Variants in HMX1 observed in about 807,000 individuals in gnomAD.
The protein encoded by HMX1 is H6 family homeobox 1.
Under a neutral mutation model 8.9 loss-of-function variants are expected in HMX1, and 8 were observed. The observed-to-expected ratio is 0.90, with a 90% confidence interval of 0.53 to 1.63. The LOEUF (loss-of-function observed/expected upper bound fraction) is 1.63. Ranked by LOEUF, HMX1 falls within the 40% of genes most tolerant of loss-of-function variation. The pLI, the probability that HMX1 is intolerant of heterozygous loss-of-function variation, is 0.00. For synonymous variants in HMX1, 311 were observed against 283.4 expected, an observed-to-expected ratio of 1.10 and a Z score of -0.98; for missense variants, 621 against 558.5, an observed-to-expected ratio of 1.11 and a Z score of -1.13.
At chr4:8,864,755 G>A (rs573317395), downstream of HMX1, among the ~76,000 whole-genome samples, 3 of 152,198 alleles carry the variant, frequency 2.0e-5, no homozygotes, top group African/African-American at 7.2e-5. Context: ...CTTGGGATCT[G>A]TTTTCTCTCT....
chr4:8,850,996 G>C (rs1188341949), intron 1 of HMX1, among the ~76,000 whole-genome samples: 1 of 152,258 alleles, frequency 6.6e-6, no homozygotes, highest in Admixed American at 6.5e-5. Flanking sequence ...TCCATTTCTG[G>C]GTCTTCGTGC....
intron 1 of HMX1, among the ~76,000 whole-genome samples, chr4:8,856,530 A>C (rs779285452): frequency 6.6e-6 from 1 of 152,168 alleles, no homozygotes; most frequent in Non-Finnish European, 1.5e-5. Context: ...CTCTGAATTT[A>C]AACCGTTTAG....
chr4:8,857,277 T>C (rs1402152741), intron 1 of HMX1, among the ~76,000 whole-genome samples: 1 of 152,036 alleles, frequency 6.6e-6, no homozygotes, highest in Non-Finnish European at 1.5e-5. Context: ...TGCAGCCGCC[T>C]CCAGGCCGCC....
Position 8,867,103 on chromosome 4 carries a change from A to G in HMX1, c.*590T>C, listed in dbSNP as rs371971734. On this transcript the variant is annotated 3_prime_UTR_variant, in exon 2 of 2. Coordinates refer to ENST00000400677, the MANE Select transcript of HMX1 (RefSeq NM_018942.3). ...CAAATAAGTAGATTCATTTAAAAAA[A>G]CAACAACCCGGAGGCTGCGACGTCT... 2 of 985,312 alleles carry G rather than the reference A, an allele frequency of 2.0e-6. No individual in the cohort carries two copies. Among genetic ancestry groups the G allele is most frequent in the Admixed American group, 6.1e-5 (1 of 16,262 alleles). The allele number at this position is 985,312 out of a possible 1,614,324, so 61.0% of individuals were successfully genotyped here.
Position 8,871,732 on chromosome 4 carries a change from G to T in HMX1, c.-118C>A, listed in dbSNP as rs945658817. On this transcript the variant is annotated 5_prime_UTR_variant, in exon 1 of 2. Coordinates refer to ENST00000400677, the MANE Select transcript of HMX1 (RefSeq NM_018942.3). This position sits in a 1 kb window ranked among gnomAD's most constrained non-coding sequence, Gnocchi z 4.8. ...TGGAGCTGCTACCCGGACCGCTGGC[G>T]TCGGGCCCCGCAGGGCAGGCGGCGG... is the stretch of plus-strand genomic sequence containing the variant. The T allele has an allele frequency of 8.7e-6, 9 of 1,031,510 alleles. No individual in the cohort carries two copies. The highest frequency in any genetic ancestry group is 1.0e-5 in the Non-Finnish European group (9 of 860,484). The allele number at this position is 1,031,510 out of a possible 1,614,324, so 63.9% of individuals were successfully genotyped here.
Position 8,853,754 on chromosome 4 carries a change from G to A in HMX1, c.395-7430C>T, listed in dbSNP as rs530948710. Among the ~76,000 whole-genome samples the A allele has an allele frequency of 2.6e-4, 40 of 152,094 alleles. No homozygotes were observed. The highest frequency in any genetic ancestry group is 9.6e-4 in the African/African-American group (40 of 41,484). On this transcript the variant is annotated intron_variant, in intron 1 of 1. Coordinates refer to the HMX1 transcript ENST00000506970. This position sits in a 1 kb window ranked among gnomAD's most constrained non-coding sequence, Gnocchi z 4.7. ...GTAATCTCAGCTACTCGGGGAGGCT[G>A]AGACAGGAGAATTGTTTGAACCCGG...
Position 8,867,073 on chromosome 4 carries a change from A to G in HMX1, c.*620T>C, listed in dbSNP as rs563413554. The stretch of plus-strand genomic sequence containing the variant: ...TCCAGAAAATGTCCCTTTTTATTCC[A>G]TACGCAAATAAGTAGATTCATTTAA... On this transcript the variant is annotated 3_prime_UTR_variant, in exon 2 of 2. Coordinates refer to ENST00000400677, the MANE Select transcript of HMX1 (RefSeq NM_018942.3). 62 of 985,146 alleles carry G rather than the reference A, an allele frequency of 6.3e-5. No homozygotes were observed. Among genetic ancestry groups the G allele is most frequent in the Non-Finnish European group, 7.4e-5 (61 of 829,818 alleles). The allele number at this position is 985,146 out of a possible 1,614,324, so 61.0% of individuals were successfully genotyped here. A position where few individuals can be genotyped will look rare whatever the true frequency, so the allele number is the denominator to read the frequency against.
At chr4:8,869,189 A>C (rs2109474796) in intron 1 of HMX1, among the ~76,000 whole-genome samples, 1 of 152,278 alleles carries the variant, frequency 6.6e-6, no homozygotes, top group East Asian at 1.9e-4. Flanking sequence ...GCGGTGTCTG[A>C]GTTCATGTTC....
chr4:8,852,501 C>T (rs141051614), intron 1 of HMX1, among the ~76,000 whole-genome samples: 9,249 of 152,302 alleles, frequency 0.061, 505 homozygotes, highest in African/African-American at 0.14. Context: ...ACTCCAATGC[C>T]CGGGCTCCCT....
rs968440312 is a variant in HMX1, at chr4:8,868,311, C to T, written c.429G>A (p.Glu143=). 1.5e-5 allele frequency: 22 copies of T among 1,439,036 alleles called. No individual in the cohort carries two copies. Among genetic ancestry groups the T allele is most frequent in the Non-Finnish European group, 1.9e-5 (21 of 1,101,610 alleles). 89.1% of individuals were successfully genotyped at this position (1,439,036 alleles called of 1,614,324 possible). A position where few individuals can be genotyped will look rare whatever the true frequency, so the allele number is the denominator to read the frequency against. ...GCCAGGCGCCCTCCGCACGGCCCAT[C>T]TCCTCGCCCGTCTCCGGTGAGTCCC... is the stretch of plus-strand genomic sequence containing the variant. The part of the protein sequence containing the change: ...SDRDSPETGE[E]MGRAEGAWPR... The change falls in exon 2 of 2, where the codon GAG becomes GAA. Residue 143 remains glutamate, a synonymous_variant. Transcript: ENST00000400677. The surrounding 1 kb of genome is among the most constrained non-coding windows in gnomAD (Gnocchi z 4.6).
At chr4:8,864,488 C>A (rs927937776), downstream of HMX1, among the ~76,000 whole-genome samples, 1 of 152,204 alleles carries the variant, frequency 6.6e-6, no homozygotes, top group Non-Finnish European at 1.5e-5. Context: ...AGCCATTCAT[C>A]TTCTGCCAGT....
At chr4:8,863,433 C>T (rs377692743), downstream of HMX1, among the ~76,000 whole-genome samples, 1,019 of 152,356 alleles carry the variant, frequency 6.7e-3, 9 homozygotes, top group Non-Finnish European at 0.012. Flanking sequence ...CGTCTCCGCC[C>T]AGCTGGGTTG....
chr4:8,862,920 C>T (rs982369007), downstream of HMX1, among the ~76,000 whole-genome samples: 5 of 152,148 alleles, frequency 3.3e-5, no homozygotes, highest in Non-Finnish European at 7.4e-5. Flanking sequence ...CAGGGCTGTC[C>T]CCTCTCCGGC....
At chr4:8,864,199 G>A (rs148400972), downstream of HMX1, among the ~76,000 whole-genome samples, 136 of 152,362 alleles carry the variant, frequency 8.9e-4, no homozygotes, top group Non-Finnish European at 1.5e-3. Flanking sequence ...ACAAATTACA[G>A]ACCCTAGTTC....
exon 2 of HMX1, chr4:8,846,104 G>A: frequency 1.6e-6 from 1 of 634,446 alleles, no homozygotes; most frequent in Non-Finnish European, 2.7e-6. Flanking sequence ...TTTATTTCTT[G>A]CTCACACTGA....
intron 1 of HMX1, among the ~76,000 whole-genome samples, chr4:8,854,530 ACT>A (rs1721552282): frequency 6.6e-6 from 1 of 151,960 alleles, no homozygotes; most frequent in African/African-American, 2.4e-5. Flanking sequence ...TGCAACACAA[ACT>A]CTGCCTGGGC....
At chr4:8,862,047 C>A (rs941372908) in intron 1 of HMX1, among the ~76,000 whole-genome samples, 4 of 152,240 alleles carry the variant, frequency 2.6e-5, no homozygotes, top group Non-Finnish European at 1.5e-5. Context: ...GGTCTGAGGC[C>A]TCCCCAGCGG....
chr4:8,848,760 T>C lies in HMX1; in HGVS notation c.395-2436A>G, dbSNP rs1341055645. On this transcript the variant is annotated intron_variant, in intron 1 of 1. Transcript: ENST00000506970. The surrounding 1 kb of genome is among the most constrained non-coding windows in gnomAD (Gnocchi z 4.1). ...CTGACACCCAACCTGGGTCAGAAGATTACCCCAGGGCAAGTAGCAAGGAGA... is the reference window on the plus strand; with the variant it reads ...CTGACACCCAACCTGGGTCAGAAGACTACCCCAGGGCAAGTAGCAAGGAGA... Among the ~76,000 whole-genome samples, 1 of 152,088 alleles carries C rather than the reference T, an allele frequency of 6.6e-6. No homozygotes were observed. Among genetic ancestry groups the C allele is most frequent in the African/African-American group, 2.4e-5 (1 of 41,392 alleles).
At chr4:8,850,455 G>C (rs754471596) in intron 1 of HMX1, among the ~76,000 whole-genome samples, 1 of 152,084 alleles carries the variant, frequency 6.6e-6, no homozygotes, top group Non-Finnish European at 1.5e-5. Context: ...CTGACCTCGG[G>C]CTGCAGGATT....
Sources: allele counts gnomAD v4.1 joint callset (sites outside exome capture counted in the v4.1 genomes callset), GRCh38; gene constraint gnomAD v4.1.1; non-coding constraint Gnocchi (gnomAD v3.1); transcripts MANE v1.5; gene names NCBI Gene and HGNC (gene_info 2026-07-23, HGNC 2026-07-21).